ALDH7A1: variants seen among roughly 807,000 people sequenced by gnomAD.
ALDH7A1 encodes alpha-aminoadipic semialdehyde dehydrogenase.
Under a neutral mutation model 79.9 loss-of-function variants are expected in ALDH7A1, and 63 were observed. The ratio of observed to expected loss-of-function variants is 0.79; its 90% CI spans 0.64 to 0.97. ALDH7A1 has a LOEUF of 0.97. ALDH7A1 is among the 50% of genes least tolerant of loss of function. The pLI is 0.00. For synonymous variants in ALDH7A1, 240 were observed against 231.2 expected (o/e 1.04, Z -0.34); for missense variants, 627 against 665.2 (o/e 0.94, Z 0.63).
intron 1 of ALDH7A1, chr5:126,594,183 G>C (rs1751659131): frequency 2.1e-6 from 1 of 470,952 alleles, no homozygotes; most frequent in Admixed American, 2.3e-5. Flanking sequence ...CTGGGCAATG[G>C]AGAAATGCTG....
chr5:126,575,532 T>C (rs1016091723), intron 6 of ALDH7A1, 68 bp from the exon 7 acceptor site: 7 of 1,406,054 alleles, frequency 5.0e-6, no homozygotes, highest in Non-Finnish European at 5.9e-6. Flanking sequence ...ATACCTTTTA[T>C]TATCAAACAG....
intron 9 of ALDH7A1, among the ~76,000 whole-genome samples, chr5:126,567,429 A>T (rs923180835): frequency 6.6e-6 from 1 of 152,124 alleles, no homozygotes; most frequent in Admixed American, 6.5e-5. Context: ...TAAATATTCT[A>T]TGTGATTCAA....
chr5:126,570,908 TAAAAA>T, intron 7 of ALDH7A1, 49 bp from the exon 8 acceptor site: 1 of 1,576,004 alleles, frequency 6.3e-7, no homozygotes, highest in Non-Finnish European at 8.7e-7. Flanking sequence ...GGCATTTTTT[TAAAAA>T]CAAGGAATAA....
Position 126,582,990 on chromosome 5 carries a change from G to A in ALDH7A1, c.394-16C>T, listed in dbSNP as rs766086404. 3.8e-5 allele frequency: 61 copies of A among 1,613,598 alleles called. No individual in the cohort carries two copies. The highest frequency in any genetic ancestry group is 5.0e-5 in the Non-Finnish European group (59 of 1,179,866). ...CCAAAGACACCTAGAAATATAAAACGACAAGCAGAATTTTTCCAACAGAAT... is the reference window on the plus strand; with the variant it reads ...CCAAAGACACCTAGAAATATAAAACAACAAGCAGAATTTTTCCAACAGAAT... On this transcript the variant is annotated splice_polypyrimidine_tract_variant and intron_variant, in intron 4 of 17. Coordinates refer to ENST00000409134, the MANE Select transcript of ALDH7A1 (RefSeq NM_001182.5).
In ALDH7A1 at chr5:126,546,399, C is replaced by A. The variant is rs751635252; in HGVS notation, c.1490G>T (p.Gly497Val). ...TSGAEIGGAFGGEKHTGGGRE... is the reference protein window; with the variant it reads ...TSGAEIGGAFVGEKHTGGGRE... The stretch of plus-strand genomic sequence containing the variant: ...GCCACCACCAGTGTGCTTTTCTCCT[C>A]CTAGAGAAATAAAAAATAATATCAT... Residue 497 changes from glycine to valine, a missense_variant and splice_region_variant, in exon 17 of 18, where the codon GGA (glycine) becomes GTA (valine). By Grantham distance (109) the Gly-to-Val change is moderately radical. Transcript: ENST00000409134. 3 of 1,613,498 alleles carry A rather than the reference C, an allele frequency of 1.9e-6. No homozygotes were observed.
intron 9 of ALDH7A1, among the ~76,000 whole-genome samples, chr5:126,565,157 G>C (rs897376308): frequency 2.0e-5 from 3 of 152,146 alleles, no homozygotes; most frequent in Non-Finnish European, 2.9e-5. Context: ...CACTTCGGGA[G>C]GCCAAGGCGG....
At chr5:126,567,541 T>C (rs572542774) in intron 9 of ALDH7A1, among the ~76,000 whole-genome samples, 1 of 151,944 alleles carries the variant, frequency 6.6e-6, no homozygotes, top group Non-Finnish European at 1.5e-5. Flanking sequence ...TGACGCGATC[T>C]CGGCTCACTG....
At chr5:126,571,063 C>T in intron 7 of ALDH7A1, 1 of 552,784 alleles carries the variant, frequency 1.8e-6, no homozygotes, top group Admixed American at 2.6e-5. Context: ...CCCTCTTATA[C>T]CAGACTCTGT....
At chr5:126,592,582 C>T in intron 3 of ALDH7A1, 82 bp downstream of exon 3, 1 of 1,412,340 alleles carries the variant, frequency 7.1e-7, no homozygotes, top group Non-Finnish European at 1.0e-6. Flanking sequence ...CACTGACCTG[C>T]TTATCAGATG....
chr5:126,557,701 A>C (rs967428014), intron 11 of ALDH7A1, among the ~76,000 whole-genome samples: 5 of 152,224 alleles, frequency 3.3e-5, no homozygotes, highest in Non-Finnish European at 7.3e-5. Context: ...GAATTTGTTC[A>C]CACTCAATAT....
intron 5 of ALDH7A1, among the ~76,000 whole-genome samples, chr5:126,578,222 G>A (rs185402442): frequency 3.3e-5 from 5 of 152,238 alleles, no homozygotes; most frequent in South Asian, 4.1e-4. Context: ...CCGGGAGGCA[G>A]AGGTTGCAGT....
At chr5:126,591,898 G>C (rs1740257829) in intron 3 of ALDH7A1, 1 of 153,248 alleles carries the variant, frequency 6.5e-6, no homozygotes, top group South Asian at 2.1e-4. Context: ...ATGAGCCTCT[G>C]GCCCTGAGAA....
At chr5:126,570,918 G>T in intron 7 of ALDH7A1, 59 bp from the exon 8 acceptor site, 4 of 1,530,432 alleles carry the variant, frequency 2.6e-6, no homozygotes, top group South Asian at 2.2e-5. Flanking sequence ...TAAAAACAAG[G>T]AATAAATTCC....
intron 1 of ALDH7A1, among the ~76,000 whole-genome samples, chr5:126,594,615 G>C (rs1751676344): frequency 6.6e-6 from 1 of 151,506 alleles, no homozygotes. Flanking sequence ...CGGCTATTTT[G>C]TATTTTTTTT....
chr5:126,575,567 T>C, intron 6 of ALDH7A1, 103 bp from the exon 7 acceptor site: 2 of 1,047,118 alleles, frequency 1.9e-6, no homozygotes, highest in Admixed American at 2.3e-5. Context: ...GAAAAAGCTC[T>C]GTCCAATTAG....
chr5:126,548,395 G>A (rs1204008392), intron 16 of ALDH7A1, among the ~76,000 whole-genome samples: 1 of 150,966 alleles, frequency 6.6e-6, no homozygotes, highest in Non-Finnish European at 1.5e-5. Flanking sequence ...AGCAATTACA[G>A]GCATGAGCCA....
intron 9 of ALDH7A1, among the ~76,000 whole-genome samples, chr5:126,564,869 C>T (rs768479653): frequency 2.0e-5 from 3 of 152,134 alleles, no homozygotes; most frequent in Admixed American, 1.3e-4. Flanking sequence ...CTCTATCAGG[C>T]GCTCTCTGAC....
At chr5:126,557,427 A>C (rs567595126) in intron 11 of ALDH7A1, among the ~76,000 whole-genome samples, 2 of 152,068 alleles carry the variant, frequency 1.3e-5, no homozygotes, top group African/African-American at 4.8e-5. Context: ...TCTCTAATAA[A>C]AATACAAAAA....
At chr5:126,594,233 A>G in intron 1 of ALDH7A1, 1 of 471,136 alleles carries the variant, frequency 2.1e-6, no homozygotes, top group South Asian at 1.5e-5. Flanking sequence ...CCAACGTACA[A>G]CATGGCAAGA....
Sources: gnomAD v4.1 joint callset for allele counts (sites outside exome capture counted in the v4.1 genomes callset) on GRCh38, gnomAD v4.1.1 for gene constraint, MANE v1.5 for transcripts, NCBI Gene and HGNC (gene_info 2026-07-23, HGNC 2026-07-21) for gene names.